Variants in LIN7A observed in about 807,000 individuals in gnomAD.
LIN7A encodes protein lin-7 homolog A.
Under a neutral mutation model 29.8 loss-of-function variants are expected in LIN7A, and 25 were observed. The observed-to-expected ratio is 0.84, with a 90% CI of 0.61 to 1.17. LIN7A has a LOEUF of 1.17. Ranked by LOEUF, LIN7A falls within the 50% of genes most tolerant of loss-of-function variation. The pLI, the probability that LIN7A is intolerant of heterozygous loss-of-function variation, is 0.00. For synonymous variants in LIN7A, 118 were observed against 107.5 expected (o/e 1.10, Z -0.60); for missense variants, 239 against 287.0 (o/e 0.83, Z 1.21).
At chr12:80,862,119 G>T (rs1592904556) in intron 2 of LIN7A, among the ~76,000 whole-genome samples, 5 of 152,296 alleles carry the variant, frequency 3.3e-5, no homozygotes, top group Admixed American at 3.3e-4. Context: ...GATAGTTGAG[G>T]TTATAACTGT....
intron 5 of LIN7A, among the ~76,000 whole-genome samples, chr12:80,806,599 A>G (rs1871001145): frequency 6.6e-6 from 1 of 152,238 alleles, no homozygotes; most frequent in African/African-American, 2.4e-5. Context: ...AGATAATATC[A>G]GACAAGTATT....
intron 1 of LIN7A, among the ~76,000 whole-genome samples, chr12:80,895,329 T>C (rs187849897): frequency 1.3e-5 from 2 of 152,344 alleles, no homozygotes; most frequent in East Asian, 1.9e-4. Context: ...TTAAAAGGGA[T>C]GAGCTTACAG....
intron 5 of LIN7A, among the ~76,000 whole-genome samples, chr12:80,806,069 C>T (rs1040015809): frequency 2.0e-5 from 3 of 151,602 alleles, no homozygotes; most frequent in African/African-American, 7.3e-5. Flanking sequence ...CAGAGAGAGA[C>T]TCTGTATTAA....
At chr12:80,868,867 C>T (rs1214634919) in intron 2 of LIN7A, among the ~76,000 whole-genome samples, 2 of 152,078 alleles carry the variant, frequency 1.3e-5, no homozygotes, top group African/African-American at 4.8e-5. Flanking sequence ...TATGACTACT[C>T]TCAGGTAGGT....
intron 1 of LIN7A, among the ~76,000 whole-genome samples, chr12:80,931,508 G>A (rs1452311424): frequency 2.0e-5 from 3 of 152,004 alleles, no homozygotes; most frequent in African/African-American, 7.3e-5. Context: ...GCTGGGCCTG[G>A]TGGTGTTGCC....
chr12:80,883,618 TA>T (rs562661406), intron 2 of LIN7A, among the ~76,000 whole-genome samples: 149 of 152,350 alleles, frequency 9.8e-4, no homozygotes, highest in African/African-American at 3.0e-3. Context: ...TTAATAATGA[TA>T]AAATCCATTG....
At chr12:80,834,530 A>T (rs2061738471) in intron 4 of LIN7A, among the ~76,000 whole-genome samples, 1 of 152,218 alleles carries the variant, frequency 6.6e-6, no homozygotes, top group Admixed American at 6.5e-5. Context: ...AAACCCAAGT[A>T]GGAAAGGCCT....
chr12:80,922,056 G>A (rs114681920), intron 1 of LIN7A, among the ~76,000 whole-genome samples: 95 of 152,206 alleles, frequency 6.2e-4, no homozygotes, highest in African/African-American at 2.1e-3. Flanking sequence ...GAAAACATGC[G>A]CTGTAATGAA....
intron 2 of LIN7A, 76 bp downstream of exon 2, chr12:80,889,175 G>T: frequency 1.2e-6 from 1 of 816,882 alleles, no homozygotes; most frequent in Non-Finnish European, 2.1e-6. Flanking sequence ...AATTTCAACT[G>T]TTTGTGTAGA....
intron 1 of LIN7A, among the ~76,000 whole-genome samples, chr12:80,930,372 T>C (rs1216719419): frequency 6.6e-6 from 1 of 152,240 alleles, no homozygotes; most frequent in African/African-American, 2.4e-5. Flanking sequence ...AAGATCTCAA[T>C]TGAATAAACC....
chr12:80,820,612 G>A (rs1871752728), intron 4 of LIN7A, among the ~76,000 whole-genome samples: 1 of 125,300 alleles, frequency 8.0e-6, no homozygotes, highest in Admixed American at 7.9e-5. Flanking sequence ...CCTGATGGTT[G>A]TTGGAATGAA....
In LIN7A at chr12:80,927,388, A is replaced by T. The variant is rs577474160; in HGVS notation, c.82+10253T>A. Among the ~76,000 whole-genome samples the T allele has an allele frequency of 3.5e-3, 532 of 152,108 alleles. 2 individuals are homozygous for T. Among genetic ancestry groups the T allele is most frequent in the Non-Finnish European group, 6.4e-3 (432 of 67,956 alleles). On this transcript the variant is annotated intron_variant, in intron 1 of 5. Transcript: ENST00000552864. ...GTGGTCTGGAGCTCCTGACCTCGTG[A>T]TCTGCCCGCCTTGGCCTCCCAAAGT...
intron 4 of LIN7A, among the ~76,000 whole-genome samples, chr12:80,814,306 T>C (rs17662029): frequency 0.36 from 54,997 of 152,030 alleles, 10,265 homozygotes; most frequent in Non-Finnish European, 0.42. Flanking sequence ...ACTGGTCCCA[T>C]GATGATTTGT....
intron 2 of LIN7A, among the ~76,000 whole-genome samples, chr12:80,871,352 T>C (rs1400561081): frequency 6.6e-6 from 1 of 152,152 alleles, no homozygotes; most frequent in Non-Finnish European, 1.5e-5. Context: ...AAAATGAAAT[T>C]ATGTATATTG....
At chr12:80,932,389 A>C (rs76287543) in intron 1 of LIN7A, among the ~76,000 whole-genome samples, 1 of 152,226 alleles carries the variant, frequency 6.6e-6, no homozygotes, top group South Asian at 2.1e-4. Context: ...TGTTTAATCA[A>C]TATTTTAAAT....
chr12:80,846,247 C>T (rs1277155343), intron 3 of LIN7A, among the ~76,000 whole-genome samples: 2 of 152,078 alleles, frequency 1.3e-5, no homozygotes, highest in Non-Finnish European at 2.9e-5. Context: ...TTCCTGGAGT[C>T]CAAATAACTT....
At chr12:80,874,765 T>C (rs952378486) in intron 2 of LIN7A, among the ~76,000 whole-genome samples, 2 of 152,100 alleles carry the variant, frequency 1.3e-5, no homozygotes, top group Non-Finnish European at 2.9e-5. Context: ...AGGCGGATCA[T>C]GAGGTCAGGA....
At chr12:80,837,605 G>A (rs1872636660) in intron 4 of LIN7A, among the ~76,000 whole-genome samples, 1 of 152,090 alleles carries the variant, frequency 6.6e-6, no homozygotes, top group African/African-American at 2.4e-5. Flanking sequence ...AAACTGATTT[G>A]GGATTTTTGG....
intron 4 of LIN7A, among the ~76,000 whole-genome samples, chr12:80,827,167 C>T (rs1167769703): frequency 6.6e-6 from 1 of 152,124 alleles, no homozygotes. Flanking sequence ...GTGAGCAGAT[C>T]ACGAGGTCAG....
Sources: gnomAD v4.1 joint callset for allele counts (sites outside exome capture counted in the v4.1 genomes callset) on GRCh38, gnomAD v4.1.1 for gene constraint, MANE v1.5 for transcripts, NCBI Gene and HGNC (gene_info 2026-07-23, HGNC 2026-07-21) for gene names.